The following HEATR5B variants were observed in gnomAD, a reference collection of about 807,000 sequenced individuals.
HEATR5B encodes HEAT repeat-containing protein 5B.
A neutral mutation model predicts 224.1 loss-of-function variants in HEATR5B; 156 were observed. The observed-to-expected ratio is 0.70, with a 90% confidence interval of 0.61 to 0.80. HEATR5B has a LOEUF of 0.80. Ranked by LOEUF, HEATR5B falls within the 30% of genes least tolerant of loss-of-function variation. The pLI is 0.00. For missense variants in HEATR5B, 2,323 were observed against 2,535.5 expected (o/e 0.92, Z 1.80); for synonymous variants, 1,027 against 893.0 (o/e 1.15, Z -2.68).
Position 37,041,199 on chromosome 2 carries a change from T to C in HEATR5B, c.2790A>G (p.Gln930=), listed in dbSNP as rs1669847781. ...AAATGCTGACACTGGTCTTCAGATG[T>C]TGTCCTGAGCCTATTCCACCAACAT... The part of the protein sequence containing the change: ...HRYVGGIGSG[Q]HLKTSVSILL... Residue 930 remains glutamine, a synonymous_variant, in exon 19 of 36, where the codon CAA becomes CAG. Transcript: ENST00000233099. The C allele has an allele frequency of 6.2e-7, 1 of 1,614,148 alleles. No individual in the cohort carries two copies. Among genetic ancestry groups the C allele is most frequent in the Admixed American group, 1.7e-5 (1 of 60,030 alleles).
At chr2:37,006,698 A>C (rs1667441245) in intron 29 of HEATR5B, among the ~76,000 whole-genome samples, 1 of 152,168 alleles carries the variant, frequency 6.6e-6, no homozygotes, top group Non-Finnish European at 1.5e-5. Flanking sequence ...ATTTTACATT[A>C]GGATTCACTG....
At chr2:37,048,272 C>A (rs1232148967) in intron 18 of HEATR5B, among the ~76,000 whole-genome samples, 1 of 151,630 alleles carries the variant, frequency 6.6e-6, no homozygotes, top group African/African-American at 2.4e-5. Flanking sequence ...GCAACCTCCA[C>A]CTCCCAGGCT....
At chr2:37,008,329 T>C in intron 28 of HEATR5B, 2 of 465,882 alleles carry the variant, frequency 4.3e-6, no homozygotes, top group Non-Finnish European at 7.8e-6. Flanking sequence ...TGGTTATGCA[T>C]AATGACTTGT....
At chr2:37,083,235 G>C in intron 2 of HEATR5B, 54 bp downstream of exon 2, 1 of 1,596,774 alleles carries the variant, frequency 6.3e-7, no homozygotes, top group African/African-American at 1.3e-5. Context: ...TAAGAATCAT[G>C]ACCACATAAT....
intron 6 of HEATR5B, 29 bp downstream of exon 6, chr2:37,072,081 T>C (rs760255943): frequency 1.3e-6 from 2 of 1,582,116 alleles, no homozygotes; most frequent in Admixed American, 1.7e-5. Context: ...AGGTCTGTTA[T>C]GGTCTAAATC....
chr2:37,038,909 G>A lies in HEATR5B; in HGVS notation c.3047-885C>T, dbSNP rs550657007. Among the ~76,000 whole-genome samples the A allele has an allele frequency of 2.9e-3, 375 of 129,810 alleles. 19 individuals are homozygous for A. Among genetic ancestry groups the A allele is most frequent in the African/African-American group, 0.01 (365 of 36,072 alleles). 85.2% of individuals were successfully genotyped at this position (129,810 alleles called of 152,430 possible). ...AGCAAGACTCTGTCTCCCTGGGGTG[G>A]GGGGGGTGGGGAATCACATATTTTT... On this transcript the variant is annotated intron_variant, in intron 20 of 35. Coordinates refer to ENST00000233099, the MANE Select transcript of HEATR5B (RefSeq NM_019024.3).
chr2:37,019,112 C>T (rs1007447734), intron 26 of HEATR5B, among the ~76,000 whole-genome samples: 1 of 151,650 alleles, frequency 6.6e-6, no homozygotes, highest in Non-Finnish European at 1.5e-5. Flanking sequence ...GAGCAGAGAT[C>T]GCATGCCACT....
Position 36,981,847 on chromosome 2 carries a change from C to T in HEATR5B, c.5912-53G>A, listed in dbSNP as rs1665603475. ...TCACAAACATAAGGATTATAATAAACTTTAAAAACTAGGCAATTGCCATGG... is the reference window on the plus strand; with the variant it reads ...TCACAAACATAAGGATTATAATAAATTTTAAAAACTAGGCAATTGCCATGG... On this transcript the variant is annotated intron_variant, in intron 35 of 35. Coordinates refer to ENST00000233099, the MANE Select transcript of HEATR5B (RefSeq NM_019024.3). 8 of 1,371,682 alleles carry T rather than the reference C, an allele frequency of 5.8e-6. No homozygotes were observed. In the South Asian group the frequency reaches 1.1e-4, roughly 19 times the overall value. 85.0% of individuals were successfully genotyped at this position (1,371,682 alleles called of 1,614,324 possible).
At chr2:37,082,172 C>G (rs1176097994) in intron 2 of HEATR5B, among the ~76,000 whole-genome samples, 1 of 144,682 alleles carries the variant, frequency 6.9e-6, no homozygotes, top group Non-Finnish European at 1.5e-5. Flanking sequence ...CCGGCTCAAG[C>G]GATTCTCCTG....
chr2:37,045,978 T>C (rs1334320782), intron 18 of HEATR5B, among the ~76,000 whole-genome samples: 3 of 152,224 alleles, frequency 2.0e-5, no homozygotes, highest in African/African-American at 7.2e-5. Context: ...CCACCACTAA[T>C]GGCAGTTAAA....
At chr2:37,014,671 G>A (rs1383124300) in intron 26 of HEATR5B, among the ~76,000 whole-genome samples, 1 of 150,090 alleles carries the variant, frequency 6.7e-6, no homozygotes, top group Non-Finnish European at 1.5e-5. Context: ...CTGCTATAAA[G>A]GGGACTTTAA....
chr2:36,986,693 C>T (rs1391613308), intron 35 of HEATR5B, among the ~76,000 whole-genome samples: 1 of 152,166 alleles, frequency 6.6e-6, no homozygotes, highest in Non-Finnish European at 1.5e-5. Flanking sequence ...TCTCAGCTCA[C>T]TGCAACCTCC....
chr2:37,019,974 G>GC, intron 25 of HEATR5B, 97 bp from the exon 26 acceptor site: 1 of 784,626 alleles, frequency 1.3e-6, no homozygotes, highest in East Asian at 2.8e-5. Context: ...TGCGATCTCG[G>GC]CTCATTGCAA....
chr2:37,031,653 G>C (rs534756253), intron 22 of HEATR5B, among the ~76,000 whole-genome samples: 57 of 151,948 alleles, frequency 3.8e-4, no homozygotes, highest in African/African-American at 1.4e-3. Context: ...TCTACTGGTA[G>C]ATTTTTATAA....
In HEATR5B at chr2:37,027,970, T is replaced by C. The variant is rs1169099077; in HGVS notation, c.3806A>G (p.His1269Arg). Reference protein sequence around the residue: ...INLCENADQAHFDLALARSAK... With the variant: ...INLCENADQARFDLALARSAK... ...AGAACGTGCCAAGGCAAGATCAAAG[T>C]GAGCCTGGTCTGCATTCTCACACAA... Residue 1269 changes from histidine (H) to arginine (R), a missense_variant, in exon 24 of 36, where the codon CAC becomes CGC. By Grantham distance (29) the His-to-Arg change is conservative (BLOSUM62 0). This residue lies in a region of HEATR5B where 339 missense variants were observed against 378.4 expected (regional missense o/e 0.90). Transcript: ENST00000233099. The C allele has an allele frequency of 1.2e-6, 2 of 1,614,216 alleles. No homozygotes were observed. The highest frequency in any genetic ancestry group is 2.7e-5 in the African/African-American group (2 of 75,056).
intron 35 of HEATR5B, among the ~76,000 whole-genome samples, chr2:36,987,517 CA>C (rs1344864839): frequency 6.6e-6 from 1 of 151,160 alleles, no homozygotes; most frequent in South Asian, 2.1e-4. Flanking sequence ...AGTCTGTCTA[CA>C]ATTAAAAATC....
intron 2 of HEATR5B, 75 bp from the exon 3 acceptor site, chr2:37,079,406 C>T (rs1672421122): frequency 4.3e-6 from 3 of 694,870 alleles, no homozygotes; most frequent in South Asian, 1.9e-5. Context: ...ATAAAAAACA[C>T]TTAACACTTA....
Position 37,041,129 on chromosome 2 carries a change from A to T in HEATR5B, c.2856+4T>A, listed in dbSNP as rs1309261017. 3 of 1,610,660 alleles carry T rather than the reference A, an allele frequency of 1.9e-6. No homozygotes were observed. ...TTGTAATAAAAAAACCAATTATATT[A>T]TACCTGGACTTCAGGGGATGTCCCA... is the stretch of plus-strand genomic sequence containing the variant. On this transcript the variant is annotated splice_donor_region_variant and intron_variant, in intron 19 of 35. Transcript: ENST00000233099.
intron 31 of HEATR5B, among the ~76,000 whole-genome samples, 170 bp downstream of exon 31, chr2:37,003,372 A>C (rs909313118): frequency 3.3e-5 from 5 of 151,716 alleles, no homozygotes; most frequent in Admixed American, 6.6e-5. Flanking sequence ...GGAGTTACAG[A>C]CTACACTGAA....
Sources: gnomAD v4.1 joint callset for allele counts (sites outside exome capture counted in the v4.1 genomes callset) on GRCh38, gnomAD v4.1.1 for gene constraint, gnomAD v4.1.1 regional missense constraint, MANE v1.5 for transcripts, NCBI Gene and HGNC (gene_info 2026-07-23, HGNC 2026-07-21) for gene names.